The following ACSL6 variants were observed in gnomAD, a reference collection of about 807,000 sequenced individuals.
ACSL6 encodes the protein long-chain-fatty-acid--CoA ligase 6.
Under a neutral mutation model 98.2 loss-of-function variants are expected in ACSL6, and 47 were observed. That is an observed-to-expected ratio of 0.48 (90% CI 0.38 to 0.61). The LOEUF is 0.61. Ranked by LOEUF, ACSL6 falls within the 20% of genes least tolerant of loss-of-function variation. The pLI is 0.00. For synonymous variants in ACSL6, 362 were observed against 336.9 expected (o/e 1.07, Z -0.82); for missense variants, 761 against 913.4 (o/e 0.83, Z 2.15).
At chr5:131,992,635 C>T (rs952806454) in intron 2 of ACSL6, among the ~76,000 whole-genome samples, 8 of 152,236 alleles carry the variant, frequency 5.3e-5, no homozygotes, top group African/African-American at 1.9e-4. Flanking sequence ...CCATCCAGAC[C>T]ACTGTCACCT....
chr5:131,967,533 C>T (rs1004954854), intron 16 of ACSL6, among the ~76,000 whole-genome samples: 3 of 151,850 alleles, frequency 2.0e-5, no homozygotes, highest in Non-Finnish European at 1.5e-5. Flanking sequence ...GGTGTGGTGG[C>T]GGGCACCTGT....
At chr5:131,974,755 T>C (rs1238366442) in intron 11 of ACSL6, 138 bp downstream of exon 11, 5 of 1,606,520 alleles carry the variant, frequency 3.1e-6, no homozygotes, top group Non-Finnish European at 4.2e-6. Context: ...GCCAGGGCCT[T>C]ACCTGCACCA....
intron 11 of ACSL6, 67 bp downstream of exon 11, chr5:131,974,826 C>T (rs757451267): frequency 2.5e-6 from 4 of 1,613,502 alleles, no homozygotes; most frequent in South Asian, 1.1e-5. Context: ...CAAGTGGGAG[C>T]CCACTGACTC....
At chr5:131,985,552 G>C (rs1014832246) in intron 8 of ACSL6, 94 bp from the exon 9 acceptor site, 1 of 1,292,982 alleles carries the variant, frequency 7.7e-7, no homozygotes, top group Non-Finnish European at 1.1e-6. Context: ...AGGCCCATAT[G>C]TATGCTGTAT....
chr5:131,962,749 G>T, intron 17 of ACSL6, 71 bp from the exon 18 acceptor site: 5 of 1,558,902 alleles, frequency 3.2e-6, no homozygotes, highest in Non-Finnish European at 3.5e-6. Flanking sequence ...CCTCAGTGCC[G>T]TAACTCCCTG....
chr5:131,969,838 G>A (rs1046161378), intron 15 of ACSL6, among the ~76,000 whole-genome samples: 1 of 152,142 alleles, frequency 6.6e-6, no homozygotes, highest in Admixed American at 6.5e-5. Context: ...TCATCCTTCA[G>A]GGCCAAGGGA....
intron 9 of ACSL6, among the ~76,000 whole-genome samples, chr5:131,980,260 A>G (rs530505737): frequency 7.4e-4 from 113 of 152,246 alleles, no homozygotes; most frequent in African/African-American, 2.6e-3. Flanking sequence ...AGGCTCTCAA[A>G]TCTTTAGGTC....
At chr5:131,999,684 G>C (rs1474432824) in intron 1 of ACSL6, 3 of 152,342 alleles carry the variant, frequency 2.0e-5, no homozygotes, top group Non-Finnish European at 4.4e-5. Flanking sequence ...CAGGGAACAG[G>C]GCACACAGCA....
In ACSL6 at chr5:131,953,035, C is replaced by T. The variant is rs985145996; in HGVS notation, c.*1199G>A. On this transcript the variant is annotated 3_prime_UTR_variant, in exon 21 of 21. Transcript: ENST00000651883. ...ACATTGGGAATGGAAGACTAGAAGA[C>T]CCCAGCAAGGAATGTAGGTACATTA... is the stretch of plus-strand genomic sequence containing the variant. 4.8e-6 allele frequency: 1 copy of T among 206,752 alleles called. No homozygotes were observed. Among genetic ancestry groups the T allele is most frequent in the African/African-American group, 2.3e-5 (1 of 43,742 alleles). The allele number at this position is 206,752 out of a possible 1,614,324, so 12.8% of individuals were successfully genotyped here.
At chr5:131,966,960 C>T (rs1000344371) in intron 16 of ACSL6, among the ~76,000 whole-genome samples, 1 of 152,228 alleles carries the variant, frequency 6.6e-6, no homozygotes, top group African/African-American at 2.4e-5. Context: ...TCTATCTACT[C>T]CATCTGGCCT....
In ACSL6 at chr5:131,971,874, C is replaced by A. The variant is rs144410797; in HGVS notation, c.1339-229G>T. On this transcript the variant is annotated intron_variant, in intron 13 of 20. Coordinates refer to ENST00000651883, the MANE Select transcript of ACSL6 (RefSeq NM_001009185.3). ...AGCTCAATCCACCATATGACCAATT[C>A]TTTTATGCCTTTTGAGATAAGTACC... Among the ~76,000 whole-genome samples the A allele has an allele frequency of 3.7e-3, 571 of 152,292 alleles. 4 individuals are homozygous for A. The highest frequency in any genetic ancestry group is 0.013 in the African/African-American group (541 of 41,562).
In ACSL6 at chr5:131,986,751, T is replaced by C. The variant is rs570008380; in HGVS notation, c.864+71A>G. The C allele has an allele frequency of 3.8e-5, 59 of 1,560,698 alleles. 1 individual carries two copies. In the Admixed American group the frequency reaches 5.8e-4, roughly 15 times the overall value. On this transcript the variant is annotated intron_variant, in intron 8 of 20. Transcript: ENST00000651883. The stretch of plus-strand genomic sequence containing the variant: ...CACAGAGGTGCTGTTCTGTGCACAG[T>C]GAGGGACTCTGTGAGGACAGGCCCT...
rs758595010 is a variant in ACSL6, at chr5:131,954,318, C to T, written c.2085G>A (p.Leu695=). 122 of 1,613,812 alleles carry T rather than the reference C, an allele frequency of 7.6e-5. No homozygotes were observed. The East Asian group carries it at 2.7e-3, about 36-fold the overall frequency. ...SDMFSVQNGL[L]TPTLKAKRPE... The stretch of plus-strand genomic sequence containing the variant: ...GTCTCTTAGCTTTTAGTGTTGGTGT[C>T]AGCAAGCCATTTTGAACTGAGAACA... The change falls in exon 21 of 21, where the codon CTG becomes CTA. Residue 695 remains leucine (L), a synonymous_variant. Coordinates refer to ENST00000651883, the MANE Select transcript of ACSL6 (RefSeq NM_001009185.3).
intron 1 of ACSL6, among the ~76,000 whole-genome samples, chr5:132,010,702 TGGA>T (rs1261279051): frequency 6.6e-6 from 1 of 151,862 alleles, no homozygotes; most frequent in Non-Finnish European, 1.5e-5. Context: ...GGGGTGGAGG[TGGA>T]GATCCTTTAG....
At chr5:131,976,809 C>T (rs892355433) in intron 9 of ACSL6, 88 bp from the exon 10 acceptor site, 4 of 1,064,562 alleles carry the variant, frequency 3.8e-6, no homozygotes, top group East Asian at 4.8e-5. Context: ...TCCCAGACAC[C>T]CATGCTGTCT....
chr5:131,993,961 G>A, intron 2 of ACSL6, 70 bp downstream of exon 2: 2 of 1,511,884 alleles, frequency 1.3e-6, no homozygotes, highest in Non-Finnish European at 1.8e-6. Context: ...CACAAGTCTG[G>A]CTTCTACTTC....
intron 1 of ACSL6, among the ~76,000 whole-genome samples, chr5:132,009,464 C>T (rs181153738): frequency 5.3e-5 from 8 of 152,316 alleles, no homozygotes; most frequent in African/African-American, 1.7e-4. Flanking sequence ...CTTCTGCCAC[C>T]AGAGAAAGGC....
rs202023207 is a variant in ACSL6 at position 131,970,187 on chromosome 5, T to C, written c.1448A>G (p.Tyr483Cys). 1.7e-5 allele frequency: 28 copies of C among 1,613,978 alleles called. No individual in the cohort carries two copies. The highest frequency in any genetic ancestry group is 8.3e-5 in the Admixed American group (5 of 60,006). Reference sequence around the variant, plus strand: ...TCCAGCTGTGCACTCAGTTTGGCCATAACCTTCATAAACCTTCAAACAAAA... The same window carrying C: ...TCCAGCTGTGCACTCAGTTTGGCCACAACCTTCATAAACCTTCAAACAAAA... ...AALGCQVYEG[Y>C]GQTECTAGCT... The change falls in exon 15 of 21, where the codon TAT (tyrosine) becomes TGT (cysteine). Residue 483 changes from tyrosine (Y) to cysteine (C), a missense_variant. Transcript: ENST00000651883.
At chr5:132,006,943 C>G (rs1317223016) in intron 1 of ACSL6, 2 of 152,188 alleles carry the variant, frequency 1.3e-5, no homozygotes, top group African/African-American at 4.8e-5. Context: ...AGCATCCTAG[C>G]AGGAGCACAC....
Sources: gnomAD v4.1 joint callset for allele counts (sites outside exome capture counted in the v4.1 genomes callset) on GRCh38, gnomAD v4.1.1 for gene constraint, MANE v1.5 for transcripts, NCBI Gene and HGNC (gene_info 2026-07-23, HGNC 2026-07-21) for gene names.